Variants in ZNF407 observed in about 807,000 individuals in gnomAD.
ZNF407 encodes zinc finger protein 407.
ZNF407 carries 17 observed loss-of-function variants against 131.2 expected under a neutral mutation model. That is an observed-to-expected ratio of 0.13 (90% CI 0.09 to 0.19). The LOEUF is 0.19. Among genes scored for constraint, ZNF407 ranks in the 10% least tolerant of loss-of-function variants. ZNF407 has a pLI of 1.00. For missense variants in ZNF407, 2,681 were observed against 2,830.6 expected (o/e 0.95, Z 1.20); for synonymous variants, 1,156 against 1,062.0 (o/e 1.09, Z -1.72).
intron 4 of ZNF407, among the ~76,000 whole-genome samples, chr18:74,808,433 A>G (rs1305033857): frequency 6.6e-6 from 1 of 152,232 alleles, no homozygotes; most frequent in Non-Finnish European, 1.5e-5. Flanking sequence ...GTCTATAAAG[A>G]GTTTGATAAT....
intron 8 of ZNF407, among the ~76,000 whole-genome samples, chr18:74,922,942 GATAGTGATGCCT>G (rs1157412390): frequency 1.3e-5 from 2 of 152,176 alleles, no homozygotes; most frequent in Non-Finnish European, 2.9e-5. Flanking sequence ...TGAAGATGGG[GATAGTGATGCCT>G]ACCACACAGA....
intron 3 of ZNF407, among the ~76,000 whole-genome samples, chr18:74,714,416 C>T (rs1967842364): frequency 6.6e-6 from 1 of 152,196 alleles, no homozygotes; most frequent in African/African-American, 2.4e-5. Flanking sequence ...ATGAAAGACA[C>T]ATTTATGAAT....
At chr18:74,907,073 C>T (rs1348186125) in intron 7 of ZNF407, among the ~76,000 whole-genome samples, 3 of 152,182 alleles carry the variant, frequency 2.0e-5, no homozygotes, top group Non-Finnish European at 2.9e-5. Context: ...TGAAAGGACC[C>T]ATACCTACAT....
At chr18:74,947,175 T>G (rs1972162533) in intron 8 of ZNF407, among the ~76,000 whole-genome samples, 1 of 152,206 alleles carries the variant, frequency 6.6e-6, no homozygotes, top group Non-Finnish European at 1.5e-5. Context: ...TTGCATAATC[T>G]TAGAAAAAGG....
rs530061004 is a variant in ZNF407 at position 74,753,854 on chromosome 18, G to A, written c.4803-27574G>A. Among the ~76,000 whole-genome samples, 82 of 152,244 alleles carry A rather than the reference G, an allele frequency of 5.4e-4. No homozygotes were observed. The South Asian group carries it at 5.8e-3, about 11-fold the overall frequency. On this transcript the variant is annotated intron_variant, in intron 3 of 8. Transcript: ENST00000299687. Reference sequence around the variant, plus strand: ...TGTCTCTGCCAGGCTTTGATATCAGGATGATGCTGGCCTCATAAAATGAGT... The same window carrying A: ...TGTCTCTGCCAGGCTTTGATATCAGAATGATGCTGGCCTCATAAAATGAGT...
rs762187190 is a variant in ZNF407, at chr18:74,768,371, C to T, written c.4803-13057C>T. The stretch of plus-strand genomic sequence containing the variant: ...TGATGTCTGCTGCATTACATGTGAT[C>T]GTAGTGTCAATTTACATAAAATATC... On this transcript the variant is annotated intron_variant, in intron 3 of 8. Coordinates refer to ENST00000299687, the MANE Select transcript of ZNF407 (RefSeq NM_017757.3). Among the ~76,000 whole-genome samples the T allele has an allele frequency of 2.6e-5, 4 of 152,230 alleles. No individual in the cohort carries two copies. The East Asian group carries it at 5.8e-4, about 22-fold the overall frequency.
At position 75,063,166 on chromosome 18, in the gene ZNF407, G is replaced by T; in HGVS notation, c.5445G>T (p.Ser1815=). 1 of 1,586,186 alleles carries T rather than the reference G, an allele frequency of 6.3e-7. No individual in the cohort carries two copies. Among genetic ancestry groups the T allele is most frequent in the Non-Finnish European group, 8.6e-7 (1 of 1,165,658 alleles). Residue 1815 remains serine (S), a synonymous_variant, in exon 9 of 9, where the codon TCG becomes TCT. Coordinates refer to ENST00000299687, the MANE Select transcript of ZNF407 (RefSeq NM_017757.3). The surrounding 1 kb of genome is among the most constrained non-coding windows in gnomAD (Gnocchi z 6.6). Reference sequence around the variant, plus strand: ...CTCCCTTAGGCATTGTTTCCAAGTCGTACGAGTGCCGTCTAAAGGGACAAG... The same window carrying T: ...CTCCCTTAGGCATTGTTTCCAAGTCTTACGAGTGCCGTCTAAAGGGACAAG... ...AYLHAGIVSK[S]YECRLKGQGA...
At position 74,858,909 on chromosome 18, in the gene ZNF407, C is replaced by CT. The variant is rs796291307; in HGVS notation, c.4878-18278dup. Among the ~76,000 whole-genome samples, 1,404 of 146,986 alleles carry CT rather than the reference C, an allele frequency of 9.6e-3. 38 individuals are homozygous for CT. Among genetic ancestry groups the CT allele is most frequent in the Admixed American group, 0.067 (984 of 14,734 alleles). On this transcript the variant is annotated intron_variant, in intron 4 of 8. Coordinates refer to ENST00000299687, the MANE Select transcript of ZNF407 (RefSeq NM_017757.3). ...TGTTCTGCATTTTTCCCTTTTTGCC[C>CT]TTTTTTTTTTGTCTTTTTTAAAAAA...
chr18:74,942,688 C>T (rs1972113182), intron 8 of ZNF407, among the ~76,000 whole-genome samples: 1 of 152,108 alleles, frequency 6.6e-6, no homozygotes, highest in Non-Finnish European at 1.5e-5. Context: ...AGTCTGTCTG[C>T]CTTGGTGCCC....
chr18:74,982,161 C>T (rs138398834), intron 8 of ZNF407, among the ~76,000 whole-genome samples: 35 of 152,308 alleles, frequency 2.3e-4, no homozygotes, highest in African/African-American at 8.2e-4. Context: ...GACTTTTTAG[C>T]ATTCTCTAAG....
At chr18:74,785,731 CGCATGCACCTG>C (rs546961217) in intron 4 of ZNF407, among the ~76,000 whole-genome samples, 48 of 152,228 alleles carry the variant, frequency 3.2e-4, no homozygotes, top group South Asian at 8.3e-4. Flanking sequence ...TGTGGAAAAG[CGCATGCACCTG>C]GCATGCACCT....
chr18:74,986,423 C>T (rs1362383114), intron 8 of ZNF407, among the ~76,000 whole-genome samples: 1 of 152,112 alleles, frequency 6.6e-6, no homozygotes, highest in Non-Finnish European at 1.5e-5. Flanking sequence ...AATTTAAATA[C>T]TCCAAAGAAG....
At chr18:74,784,643 C>T (rs1969670288) in intron 4 of ZNF407, among the ~76,000 whole-genome samples, 1 of 152,214 alleles carries the variant, frequency 6.6e-6, no homozygotes, top group African/African-American at 2.4e-5. Context: ...CAAACAATTA[C>T]ATATAACCAC....
chr18:74,680,599 T>C (rs1966961189), intron 3 of ZNF407, among the ~76,000 whole-genome samples: 1 of 152,160 alleles, frequency 6.6e-6, no homozygotes, highest in Non-Finnish European at 1.5e-5. Context: ...TCTGTTTTTT[T>C]GTATGTGTGG....
chr18:75,022,755 T>G (rs1196496072), intron 8 of ZNF407, among the ~76,000 whole-genome samples: 1 of 152,150 alleles, frequency 6.6e-6, no homozygotes, highest in Non-Finnish European at 1.5e-5. Flanking sequence ...GTTCAACCAC[T>G]GTGGAAGACA....
chr18:74,770,500 C>G (rs901245670), intron 3 of ZNF407, among the ~76,000 whole-genome samples: 9 of 151,934 alleles, frequency 5.9e-5, no homozygotes, highest in African/African-American at 2.2e-4. Context: ...CGAAAAAAAA[C>G]AAGAATAAAA....
In ZNF407 at chr18:74,991,590, T is replaced by G. The variant is rs539031489; in HGVS notation, c.5428+70898T>G. 2.0e-5 allele frequency among the ~76,000 whole-genome samples: 3 copies of G among 152,346 alleles called. No homozygotes were observed. The East Asian group carries it at 5.8e-4, about 29-fold the overall frequency. ...AAAATCAATACCTATTCGGTATTGG[T>G]CACTAAATTTAAACATGGTTATTCT... On this transcript the variant is annotated intron_variant, in intron 8 of 8. Transcript: ENST00000299687.
chr18:74,963,152 CTT>C (rs36225166), intron 8 of ZNF407, among the ~76,000 whole-genome samples: 10 of 138,462 alleles, frequency 7.2e-5, no homozygotes, highest in Admixed American at 1.5e-4. Context: ...ACCTTCATTC[CTT>C]TTTTTTTTTT....
intron 4 of ZNF407, among the ~76,000 whole-genome samples, chr18:74,806,016 A>G (rs549571800): frequency 1.0e-3 from 155 of 152,290 alleles, no homozygotes; most frequent in Middle Eastern, 3.4e-3. Flanking sequence ...TTTTGTTAAA[A>G]ATTTTCTTGA....
Sources: gnomAD v4.1 joint callset for allele counts (sites outside exome capture counted in the v4.1 genomes callset) on GRCh38, gnomAD v4.1.1 for gene constraint, Gnocchi (gnomAD v3.1) non-coding constraint, MANE v1.5 for transcripts, NCBI Gene and HGNC (gene_info 2026-07-23, HGNC 2026-07-21) for gene names.